Variants in GRIP1 observed in about 807,000 individuals in gnomAD.
GRIP1 encodes the protein glutamate receptor-interacting protein 1.
A neutral mutation model predicts 129.9 loss-of-function variants in GRIP1; 45 were observed. The observed-to-expected ratio is 0.35, with a 90% CI of 0.27 to 0.44. The LOEUF (loss-of-function observed/expected upper bound fraction) is 0.44, where lower values mean the gene tolerates loss of function less well. Among genes scored for constraint, GRIP1 ranks in the 20% least tolerant of loss-of-function variants. GRIP1 has a pLI of 1.00. For missense variants in GRIP1, 1,196 were observed against 1,396.8 expected, an observed-to-expected ratio of 0.86 and a Z score of 2.29; for synonymous variants, 530 against 520.8, an observed-to-expected ratio of 1.02 and a Z score of -0.24.
At chr12:66,531,661 T>C (rs978213120) in intron 4 of GRIP1, among the ~76,000 whole-genome samples, 4 of 152,102 alleles carry the variant, frequency 2.6e-5, no homozygotes, top group Non-Finnish European at 5.9e-5. Flanking sequence ...ACTAATCAAC[T>C]AGGAACAGTA....
At chr12:66,578,848 G>C (rs1012887859) in intron 2 of GRIP1, among the ~76,000 whole-genome samples, 9 of 152,222 alleles carry the variant, frequency 5.9e-5, no homozygotes, top group African/African-American at 2.2e-4. Context: ...CAAACAAAAA[G>C]ACAGCAGTAA....
intron 1 of GRIP1, among the ~76,000 whole-genome samples, chr12:66,665,540 T>C (rs1021209386): frequency 1.1e-4 from 16 of 152,202 alleles, no homozygotes; most frequent in African/African-American, 2.2e-4. Flanking sequence ...CTGTCATAAA[T>C]GATATCATAC....
chr12:66,578,728 C>A (rs539298177), intron 2 of GRIP1, among the ~76,000 whole-genome samples: 2 of 152,218 alleles, frequency 1.3e-5, no homozygotes, highest in African/African-American at 4.8e-5. Context: ...ATTGCCCAGG[C>A]TTGCTTAGGT....
At chr12:67,010,639 G>A (rs1184140015) in intron 1 of GRIP1, among the ~76,000 whole-genome samples, 3 of 152,076 alleles carry the variant, frequency 2.0e-5, no homozygotes, top group Non-Finnish European at 4.4e-5. Context: ...TGATTAGCCA[G>A]AAGAAAAAAC....
intron 1 of GRIP1, among the ~76,000 whole-genome samples, chr12:66,759,395 T>C (rs778222279): frequency 2.6e-5 from 4 of 152,210 alleles, no homozygotes; most frequent in Non-Finnish European, 5.9e-5. Flanking sequence ...CGTGGGCCTC[T>C]GGGCCTGTGA....
At chr12:66,495,400 T>C (rs2060209481) in intron 7 of GRIP1, among the ~76,000 whole-genome samples, 1 of 152,204 alleles carries the variant, frequency 6.6e-6, no homozygotes, top group Non-Finnish European at 1.5e-5. Flanking sequence ...GCTTTGAGTG[T>C]TGTGAATTAT....
chr12:66,696,804 CAAAAAAA>C (rs35445606), intron 1 of GRIP1, among the ~76,000 whole-genome samples: 3 of 103,752 alleles, frequency 2.9e-5, no homozygotes, highest in East Asian at 2.9e-4. Flanking sequence ...GACTCTGTCT[CAAAAAAA>C]AAAAAAAAAA....
intron 1 of GRIP1, among the ~76,000 whole-genome samples, chr12:66,914,369 GA>G (rs2041084156): frequency 6.6e-6 from 1 of 151,876 alleles, no homozygotes; most frequent in South Asian, 2.1e-4. Context: ...AGGTTGTCTA[GA>G]AAAAAACATG....
At chr12:66,944,523 G>T (rs12099786) in intron 1 of GRIP1, among the ~76,000 whole-genome samples, 1 of 151,536 alleles carries the variant, frequency 6.6e-6, no homozygotes. Flanking sequence ...TGAAGAAAAC[G>T]TGGGGGTGGA....
chr12:66,592,166 G>T (rs1592613461), intron 2 of GRIP1, among the ~76,000 whole-genome samples: 1 of 152,292 alleles, frequency 6.6e-6, no homozygotes, highest in East Asian at 1.9e-4. Context: ...CTTAACTTAA[G>T]GTTACCAGCT....
At chr12:66,787,427 A>G (rs767754659) in intron 1 of GRIP1, among the ~76,000 whole-genome samples, 9 of 152,172 alleles carry the variant, frequency 5.9e-5, no homozygotes, top group Admixed American at 6.5e-5. Context: ...TACATCTTTA[A>G]GTCCACCAGT....
At chr12:66,483,061 C>T (rs1186845957) in intron 7 of GRIP1, among the ~76,000 whole-genome samples, 1 of 152,082 alleles carries the variant, frequency 6.6e-6, no homozygotes, top group Non-Finnish European at 1.5e-5. Context: ...ATCAGTTTTC[C>T]CACTTCTGAG....
At chr12:66,912,609 G>A (rs2082419375) in intron 1 of GRIP1, among the ~76,000 whole-genome samples, 1 of 151,876 alleles carries the variant, frequency 6.6e-6, no homozygotes, top group South Asian at 2.1e-4. Flanking sequence ...TTAATAAGGG[G>A]AATTTAAATA....
intron 1 of GRIP1, among the ~76,000 whole-genome samples, chr12:66,620,222 A>C (rs2065209086): frequency 6.6e-6 from 1 of 152,202 alleles, no homozygotes; most frequent in Non-Finnish European, 1.5e-5. Flanking sequence ...TCTTAGATTA[A>C]AATGAGTCAT....
chr12:66,698,372 T>C (rs1447825324), intron 1 of GRIP1, among the ~76,000 whole-genome samples: 1 of 152,200 alleles, frequency 6.6e-6, no homozygotes, highest in East Asian at 1.9e-4. Flanking sequence ...CCTTGTGTTT[T>C]TAAAAAATAT....
intron 1 of GRIP1, among the ~76,000 whole-genome samples, chr12:66,688,831 T>C (rs2034875111): frequency 6.7e-6 from 1 of 148,706 alleles, no homozygotes; most frequent in Non-Finnish European, 1.5e-5. Context: ...AACCCTCTAA[T>C]AATGTCTAAA....
At chr12:66,956,970 T>C (rs2041851453) in intron 1 of GRIP1, among the ~76,000 whole-genome samples, 1 of 152,190 alleles carries the variant, frequency 6.6e-6, no homozygotes, top group South Asian at 2.1e-4. Context: ...CCTTCCTCTG[T>C]TGCTTATTTT....
intron 7 of GRIP1, among the ~76,000 whole-genome samples, chr12:66,505,247 G>A (rs901201552): frequency 2.0e-5 from 3 of 152,176 alleles, no homozygotes; most frequent in South Asian, 2.1e-4. Context: ...TATGAAATAC[G>A]AGGACTCAAT....
chr12:66,973,256 A>G (rs915891323), intron 1 of GRIP1, among the ~76,000 whole-genome samples: 15 of 102,802 alleles, frequency 1.5e-4, no homozygotes, highest in African/African-American at 4.8e-4. Flanking sequence ...ACACTCCTTA[A>G]TACAAACAAA....
Sources: gnomAD v4.1 joint callset for allele counts (sites outside exome capture counted in the v4.1 genomes callset) on GRCh38, gnomAD v4.1.1 for gene constraint, MANE v1.5 for transcripts, NCBI Gene and HGNC (gene_info 2026-07-23, HGNC 2026-07-21) for gene names.